B3GALT1: variants seen among roughly 807,000 people sequenced by gnomAD.
B3GALT1 encodes UDP-Gal:betaGlcNAc beta 1,3-galactosyltransferase, polypeptide 1.
In B3GALT1, 10 loss-of-function variants were observed where a neutral mutation model predicts 23.2. The ratio of observed to expected loss-of-function variants is 0.43; its 90% CI spans 0.27 to 0.73. The LOEUF is 0.73. Ranked by LOEUF, B3GALT1 falls within the 30% of genes least tolerant of loss-of-function variation. B3GALT1 has a pLI of 0.21. For synonymous variants in B3GALT1, 156 were observed against 141.5 expected (o/e 1.10, Z -0.73); for missense variants, 299 against 405.4 (o/e 0.74, Z 2.25).
At chr2:167,786,677 T>C (rs1432364042) in intron 3 of B3GALT1, among the ~76,000 whole-genome samples, 1 of 152,232 alleles carries the variant, frequency 6.6e-6, no homozygotes, top group East Asian at 1.9e-4. Context: ...AAGGATGTAC[T>C]GTTTGGTAAC....
In B3GALT1 at chr2:167,820,578, C is replaced by T. The variant is rs151247446; in HGVS notation, c.-230+1785C>T. ...CTTCAGCCTGGAGCCTGTGTGACTG[C>T]AAAGAACAGAGTGCCCCTCTCCGTC... On this transcript the variant is annotated intron_variant, in intron 4 of 4. Transcript: ENST00000392690. Among the ~76,000 whole-genome samples, 346 of 152,328 alleles carry T rather than the reference C, an allele frequency of 2.3e-3. 4 individuals carry two copies. The highest frequency in any genetic ancestry group is 7.9e-3 in the African/African-American group (329 of 41,580).
At chr2:167,316,142 A>G (rs1291498199) in intron 1 of B3GALT1, among the ~76,000 whole-genome samples, 1 of 151,126 alleles carries the variant, frequency 6.6e-6, no homozygotes, top group Non-Finnish European at 1.5e-5. Flanking sequence ...GAACTAGGGT[A>G]TTTGGTGCAA....
chr2:167,546,522 C>T (rs1406096675), intron 2 of B3GALT1, among the ~76,000 whole-genome samples: 1 of 152,148 alleles, frequency 6.6e-6, no homozygotes, highest in East Asian at 1.9e-4. Context: ...TCCTATTAGT[C>T]AGGACATTGT....
intron 2 of B3GALT1, among the ~76,000 whole-genome samples, chr2:167,576,599 A>T (rs1684393800): frequency 7.5e-6 from 1 of 132,472 alleles, no homozygotes; most frequent in African/African-American, 2.9e-5. Flanking sequence ...CAAAAGCCTT[A>T]GCAAAGGGTT....
At position 167,467,382 on chromosome 2, in the gene B3GALT1, T is replaced by A. The variant is rs540293091; in HGVS notation, c.-510-22795T>A. On this transcript the variant is annotated intron_variant, in intron 1 of 4. Coordinates refer to ENST00000392690, the MANE Select transcript of B3GALT1 (RefSeq NM_020981.4). ...TAGATTTTTGGCAACCATGTTGTTATAATAATAATAGAGCAAACAGTAAAA... is the reference window on the plus strand; with the variant it reads ...TAGATTTTTGGCAACCATGTTGTTAAAATAATAATAGAGCAAACAGTAAAA... Among the ~76,000 whole-genome samples, 206 of 152,140 alleles carry A rather than the reference T, an allele frequency of 1.4e-3. 1 individual carries two copies. Among genetic ancestry groups the A allele is most frequent in the African/African-American group, 4.8e-3 (201 of 41,510 alleles).
intron 1 of B3GALT1, among the ~76,000 whole-genome samples, chr2:167,335,245 T>C (rs1036066555): frequency 3.9e-5 from 6 of 152,124 alleles, no homozygotes; most frequent in African/African-American, 1.4e-4. Context: ...GTAGTACAGC[T>C]GAATTTATTC....
intron 1 of B3GALT1, among the ~76,000 whole-genome samples, chr2:167,442,338 T>C (rs1206010615): frequency 6.6e-6 from 1 of 152,186 alleles, no homozygotes; most frequent in Non-Finnish European, 1.5e-5. Context: ...GCAATAAACA[T>C]ACGTGTGCAT....
intron 4 of B3GALT1, among the ~76,000 whole-genome samples, chr2:167,857,431 A>G (rs1161290661): frequency 6.6e-6 from 1 of 152,118 alleles, no homozygotes; most frequent in African/African-American, 2.4e-5. Flanking sequence ...TAGGATGAAA[A>G]CTGGCAGGCT....
intron 1 of B3GALT1, among the ~76,000 whole-genome samples, chr2:167,306,592 G>T (rs1023112986): frequency 6.6e-5 from 10 of 151,926 alleles, no homozygotes; most frequent in Non-Finnish European, 1.5e-4. Flanking sequence ...AGTAGTGTGA[G>T]ATTTTTCATC....
At chr2:167,764,476 A>G (rs1031486716) in intron 3 of B3GALT1, among the ~76,000 whole-genome samples, 2 of 152,220 alleles carry the variant, frequency 1.3e-5, no homozygotes, top group Non-Finnish European at 2.9e-5. Context: ...ATTCCCAGGA[A>G]TAGTCCTACC....
Position 167,566,052 on chromosome 2 carries a change from A to C in B3GALT1, c.-410+75775A>C, listed in dbSNP as rs576326513. Among the ~76,000 whole-genome samples, 584 of 152,116 alleles carry C rather than the reference A, an allele frequency of 3.8e-3. 4 individuals are homozygous for C. The highest frequency in any genetic ancestry group is 0.013 in the African/African-American group (550 of 41,440). ...TGCTGCTATAAAGACACATGCATAC[A>C]TATGTTTATTGCGGCACTATTCACA... On this transcript the variant is annotated intron_variant, in intron 2 of 4. Coordinates refer to ENST00000392690, the MANE Select transcript of B3GALT1 (RefSeq NM_020981.4).
intron 1 of B3GALT1, among the ~76,000 whole-genome samples, chr2:167,405,742 T>A (rs529703026): frequency 1.1e-3 from 160 of 152,274 alleles, no homozygotes; most frequent in Non-Finnish European, 1.7e-3. Flanking sequence ...TTTTATTTAA[T>A]CCCATTTATC....
At chr2:167,525,460 AAC>A (rs1683203561) in intron 2 of B3GALT1, among the ~76,000 whole-genome samples, 2 of 152,052 alleles carry the variant, frequency 1.3e-5, no homozygotes. Flanking sequence ...TTTCAGAGAT[AAC>A]ACATTTGTAT....
intron 3 of B3GALT1, among the ~76,000 whole-genome samples, chr2:167,810,426 CTTTG>C (rs759929365): frequency 8.6e-5 from 13 of 150,884 alleles, no homozygotes; most frequent in Non-Finnish European, 1.9e-4. Flanking sequence ...TGGCTCCACC[CTTTG>C]TTTGTTTTTT....
intron 2 of B3GALT1, among the ~76,000 whole-genome samples, chr2:167,599,208 C>G (rs1684832098): frequency 6.6e-6 from 1 of 152,174 alleles, no homozygotes; most frequent in Non-Finnish European, 1.5e-5. Flanking sequence ...GCAGTTCTCT[C>G]TGATTCAGAG....
intron 2 of B3GALT1, among the ~76,000 whole-genome samples, chr2:167,508,436 T>C (rs971042694): frequency 1.3e-5 from 2 of 151,758 alleles, no homozygotes; most frequent in African/African-American, 4.8e-5. Context: ...TTTTTTATAT[T>C]TTTAGTAGAG....
chr2:167,365,155 T>G (rs1455897502), intron 1 of B3GALT1, among the ~76,000 whole-genome samples: 1 of 152,172 alleles, frequency 6.6e-6, no homozygotes, highest in Non-Finnish European at 1.5e-5. Flanking sequence ...CCTGGGTTTC[T>G]CAGAATGAAT....
intron 3 of B3GALT1, among the ~76,000 whole-genome samples, chr2:167,726,431 A>G (rs1687317093): frequency 6.6e-6 from 1 of 152,186 alleles, no homozygotes; most frequent in Non-Finnish European, 1.5e-5. Context: ...TTAAAGAGTA[A>G]CCAAGACTAA....
At chr2:167,823,188 A>G (rs1293288151) in intron 4 of B3GALT1, among the ~76,000 whole-genome samples, 1 of 152,172 alleles carries the variant, frequency 6.6e-6, no homozygotes, top group Non-Finnish European at 1.5e-5. Flanking sequence ...CTTTCTGGCC[A>G]AGCAGCAACG....
Sources: gnomAD v4.1 joint callset for allele counts (sites outside exome capture counted in the v4.1 genomes callset) on GRCh38, gnomAD v4.1.1 for gene constraint, MANE v1.5 for transcripts, NCBI Gene and HGNC (gene_info 2026-07-23, HGNC 2026-07-21) for gene names.